Variants in PDGFRL observed in about 807,000 individuals in gnomAD.
The protein encoded by PDGFRL is platelet-derived growth factor receptor-like protein.
In PDGFRL, 46 loss-of-function variants were observed where a neutral mutation model predicts 37.2. That is an observed-to-expected ratio of 1.24 (90% CI 0.98 to 1.58). The LOEUF is 1.58. Ranked by LOEUF, PDGFRL falls within the 40% of genes most tolerant of loss-of-function variation. The pLI, the probability that PDGFRL is intolerant of heterozygous loss-of-function variation, is 0.00. For missense variants in PDGFRL, 692 were observed against 467.6 expected, an observed-to-expected ratio of 1.48 and a Z score of -4.43; for synonymous variants, 251 against 184.3, an observed-to-expected ratio of 1.36 and a Z score of -2.93.
At chr8:17,615,816 G>C (rs1458438023) in intron 2 of PDGFRL, among the ~76,000 whole-genome samples, 1 of 152,184 alleles carries the variant, frequency 6.6e-6, no homozygotes, top group Non-Finnish European at 1.5e-5. Context: ...GGCCAAGGTG[G>C]GAGGATCCCT....
chr8:17,634,128 G>C lies in PDGFRL; in HGVS notation c.854G>C (p.Ser285Thr). 6.2e-7 allele frequency: 1 copy of C among 1,613,804 alleles called. No homozygotes were observed. Among genetic ancestry groups the C allele is most frequent in the East Asian group, 2.2e-5 (1 of 44,888 alleles). ...TILASSNKVK[S>T]GDDISVLCTV... ...TTGGCTTCTTCAAACAAAGTGAAAAGTGGGGACGACATCAGTGTGCTCTGC... is the reference window on the plus strand; with the variant it reads ...TTGGCTTCTTCAAACAAAGTGAAAACTGGGGACGACATCAGTGTGCTCTGC... The change falls in exon 5 of 6, where the codon AGT (serine) becomes ACT (threonine). Residue 285 changes from serine to threonine, a missense_variant. Coordinates refer to ENST00000251630, the MANE Select transcript of PDGFRL (RefSeq NM_001372073.1).
intron 2 of PDGFRL, among the ~76,000 whole-genome samples, chr8:17,602,183 G>A (rs746669252): frequency 6.6e-6 from 1 of 152,158 alleles, no homozygotes; most frequent in African/African-American, 2.4e-5. Context: ...ATCTCATTGT[G>A]GATTTGGTTT....
intron 5 of PDGFRL, among the ~76,000 whole-genome samples, chr8:17,640,271 T>C (rs534570897): frequency 6.6e-6 from 1 of 152,246 alleles, no homozygotes; most frequent in South Asian, 2.1e-4. Flanking sequence ...CTGAATTCTT[T>C]TTCTGGCAAT....
At position 17,594,422 on chromosome 8, in the gene PDGFRL, A is replaced by G. The variant is rs183777666; in HGVS notation, c.353+4657A>G. On this transcript the variant is annotated intron_variant, in intron 2 of 5. Coordinates refer to ENST00000251630, the MANE Select transcript of PDGFRL (RefSeq NM_001372073.1). ...CACTCAGCTAATTTTTGTATCTTCT[A>G]TAGAGACAGGGTTTCACTATGATGG... is the stretch of plus-strand genomic sequence containing the variant. Among the ~76,000 whole-genome samples, 35 of 151,278 alleles carry G rather than the reference A, an allele frequency of 2.3e-4. No individual in the cohort carries two copies. In the East Asian group the frequency reaches 5.9e-3, roughly 25 times the overall value.
At chr8:17,625,178 A>T (rs1804709116) in intron 3 of PDGFRL, among the ~76,000 whole-genome samples, 1 of 113,882 alleles carries the variant, frequency 8.8e-6, no homozygotes, top group Admixed American at 1.3e-4. Context: ...TTTGAGATGG[A>T]GTCTCCCTCT....
At chr8:17,576,848 G>A (rs141132679), upstream of PDGFRL, 229 of 284,316 alleles carry the variant, frequency 8.1e-4, no homozygotes, top group Middle Eastern at 8.1e-3. Context: ...GCCTGAGGAG[G>A]TGGGGCGGGC....
At chr8:17,619,672 T>C (rs917765507) in intron 2 of PDGFRL, among the ~76,000 whole-genome samples, 1 of 152,212 alleles carries the variant, frequency 6.6e-6, no homozygotes. Flanking sequence ...CAGAGACTTA[T>C]CTTTATTGAT....
intron 2 of PDGFRL, among the ~76,000 whole-genome samples, chr8:17,605,826 G>C (rs561315608): frequency 1.3e-5 from 2 of 152,208 alleles, no homozygotes; most frequent in Admixed American, 1.3e-4. Flanking sequence ...ACTGGGAGTT[G>C]GGAGGAGTGC....
At chr8:17,582,119 A>G (rs2150807482) in intron 1 of PDGFRL, among the ~76,000 whole-genome samples, 1 of 152,316 alleles carries the variant, frequency 6.6e-6, no homozygotes, top group African/African-American at 2.4e-5. Flanking sequence ...CAGATAACTT[A>G]TTGGGAGCTG....
intron 2 of PDGFRL, among the ~76,000 whole-genome samples, chr8:17,591,771 G>C (rs1377441704): frequency 6.6e-6 from 1 of 152,110 alleles, no homozygotes; most frequent in Non-Finnish European, 1.5e-5. Context: ...ATAAAAATTA[G>C]CTGGGCGTGG....
In PDGFRL at chr8:17,596,329, C is replaced by T. The variant is rs574470948; in HGVS notation, c.353+6564C>T. ...GCTGCTCACAGGCACATGGGCTGCA[C>T]GTAACTCCGTGGGAAGAAGCCAACG... On this transcript the variant is annotated intron_variant, in intron 2 of 5. Transcript: ENST00000251630. 9.7e-6 allele frequency: 12 copies of T among 1,236,166 alleles called. No homozygotes were observed. In the South Asian group the frequency reaches 1.2e-4, roughly 12 times the overall value. 76.6% of individuals were successfully genotyped at this position (1,236,166 alleles called of 1,614,324 possible).
At chr8:17,588,382 G>C (rs1051556669) in intron 1 of PDGFRL, among the ~76,000 whole-genome samples, 1 of 152,072 alleles carries the variant, frequency 6.6e-6, no homozygotes, top group East Asian at 1.9e-4. Flanking sequence ...AGTTCACTGT[G>C]GTTCAAAATC....
chr8:17,579,135 T>C (rs1438238181), intron 1 of PDGFRL, among the ~76,000 whole-genome samples: 1 of 152,050 alleles, frequency 6.6e-6, no homozygotes, highest in African/African-American at 2.4e-5. Flanking sequence ...AGGCAGAGGT[T>C]GCAGTGAGCC....
intron 2 of PDGFRL, among the ~76,000 whole-genome samples, chr8:17,617,749 A>G (rs1804557757): frequency 6.6e-6 from 1 of 152,216 alleles, no homozygotes; most frequent in Non-Finnish European, 1.5e-5. Context: ...TGCAGATTGC[A>G]CACTGGTGGT....
chr8:17,577,152 C>T, upstream of PDGFRL: 3 of 1,518,028 alleles, frequency 2.0e-6, no homozygotes, highest in South Asian at 3.6e-5. Flanking sequence ...AATCCTCCCG[C>T]TTCGGCGTCC....
intron 2 of PDGFRL, among the ~76,000 whole-genome samples, chr8:17,599,445 G>T (rs1182884709): frequency 1.3e-5 from 2 of 152,106 alleles, no homozygotes; most frequent in African/African-American, 2.4e-5. Context: ...CCAATTCTGG[G>T]CTCTGTCATT....
upstream of PDGFRL, chr8:17,576,588 G>A (rs1260674440): frequency 3.5e-6 from 1 of 284,712 alleles, no homozygotes; most frequent in Non-Finnish European, 5.3e-6. Flanking sequence ...CTAATTCCCT[G>A]TTCTCCTGCC....
chr8:17,596,411 A>T, intron 2 of PDGFRL: 1 of 744,080 alleles, frequency 1.3e-6, no homozygotes, highest in Non-Finnish European at 1.8e-6. Flanking sequence ...GACCTTATTC[A>T]CCAAAGTCAG....
At chr8:17,588,078 A>G (rs1455677930) in intron 1 of PDGFRL, among the ~76,000 whole-genome samples, 1 of 152,188 alleles carries the variant, frequency 6.6e-6, no homozygotes, top group Non-Finnish European at 1.5e-5. Context: ...CCTTACTTAT[A>G]GAGAAGGCAA....
Sources: allele counts gnomAD v4.1 joint callset (sites outside exome capture counted in the v4.1 genomes callset), GRCh38; gene constraint gnomAD v4.1.1; transcripts MANE v1.5; gene names NCBI Gene and HGNC (gene_info 2026-07-23, HGNC 2026-07-21).